The following ARHGAP15 variants were observed in gnomAD, a reference collection of about 807,000 sequenced individuals.
ARHGAP15 encodes the protein rho GTPase-activating protein 15.
ARHGAP15 carries 51 observed loss-of-function variants against 63.7 expected under a neutral mutation model. The ratio of observed to expected loss-of-function variants is 0.80; its 90% CI spans 0.64 to 1.01. ARHGAP15 has a LOEUF of 1.01. ARHGAP15 is among the 50% of genes least tolerant of loss of function. The pLI is 0.00. For synonymous variants in ARHGAP15, 191 were observed against 193.8 expected, an observed-to-expected ratio of 0.99 and a Z score of 0.12; for missense variants, 560 against 564.6, an observed-to-expected ratio of 0.99 and a Z score of 0.08.
intron 8 of ARHGAP15, among the ~76,000 whole-genome samples, chr2:143,454,444 T>C (rs2105141616): frequency 6.6e-6 from 1 of 152,230 alleles, no homozygotes; most frequent in East Asian, 1.9e-4. Flanking sequence ...TGTATATTTA[T>C]CTGTTTGCTT....
chr2:143,301,702 A>G lies in ARHGAP15; in HGVS notation c.474+51102A>G, dbSNP rs946214801. On this transcript the variant is annotated intron_variant, in intron 6 of 13. Transcript: ENST00000295095. Reference sequence around the variant, plus strand: ...GATTAAATATGTATACAAAATTTGTATATAACACATCTTTCCATATGTGTA... The same window carrying G: ...GATTAAATATGTATACAAAATTTGTGTATAACACATCTTTCCATATGTGTA... 4.6e-5 allele frequency among the ~76,000 whole-genome samples: 7 copies of G among 152,064 alleles called. 1 individual carries two copies. The South Asian group carries it at 1.4e-3, about 31-fold the overall frequency.
rs972977751 is a variant in ARHGAP15, at chr2:143,750,036, C to T, written c.1245-17953C>T. Among the ~76,000 whole-genome samples, 4 of 152,196 alleles carry T rather than the reference C, an allele frequency of 2.6e-5. No homozygotes were observed. The East Asian group carries it at 5.8e-4, about 22-fold the overall frequency. ...CCAAATCAGAATCTCTGTGCAATTCCTTTCCTTTATTAAAAGCCTGAGCCA... is the reference window on the plus strand; with the variant it reads ...CCAAATCAGAATCTCTGTGCAATTCTTTTCCTTTATTAAAAGCCTGAGCCA... On this transcript the variant is annotated intron_variant, in intron 13 of 13. Coordinates refer to ENST00000295095, the MANE Select transcript of ARHGAP15 (RefSeq NM_018460.4).
chr2:143,137,642 T>C (rs1689202224), intron 1 of ARHGAP15, among the ~76,000 whole-genome samples: 1 of 152,026 alleles, frequency 6.6e-6, no homozygotes, highest in Non-Finnish European at 1.5e-5. Flanking sequence ...CTCTAAGTAT[T>C]TAAATTTTAA....
intron 12 of ARHGAP15, among the ~76,000 whole-genome samples, chr2:143,682,297 AG>A (rs1279315034): frequency 1.7e-5 from 1 of 59,138 alleles, no homozygotes; most frequent in African/African-American, 3.4e-5. Flanking sequence ...TTAGCAAATA[AG>A]GAGATTTTTT....
At chr2:143,260,327 G>A (rs748846470) in intron 6 of ARHGAP15, among the ~76,000 whole-genome samples, 10 of 152,052 alleles carry the variant, frequency 6.6e-5, no homozygotes, top group Non-Finnish European at 1.0e-4. Context: ...TTTTAGTACG[G>A]TTTTAAGTTT....
chr2:143,551,538 G>A (rs150455974), intron 10 of ARHGAP15, among the ~76,000 whole-genome samples: 4 of 152,164 alleles, frequency 2.6e-5, no homozygotes, highest in African/African-American at 9.6e-5. Flanking sequence ...ATATTGTTCT[G>A]TATGGTTCAA....
At chr2:143,680,021 T>TAAAAAAAAAAA (rs55927433) in intron 12 of ARHGAP15, among the ~76,000 whole-genome samples, 26 of 101,592 alleles carry the variant, frequency 2.6e-4, no homozygotes, top group African/African-American at 1.1e-3. Context: ...AGTAAATGAT[T>TAAAAAAAAAAA]AAAAAAAAAA....
intron 13 of ARHGAP15, among the ~76,000 whole-genome samples, chr2:143,736,521 A>G (rs1685752113): frequency 6.6e-6 from 1 of 152,188 alleles, no homozygotes; most frequent in South Asian, 2.1e-4. Context: ...TTACTTACAC[A>G]AAGTGTAGAG....
intron 6 of ARHGAP15, among the ~76,000 whole-genome samples, chr2:143,357,323 C>A (rs1685852185): frequency 6.6e-6 from 1 of 151,768 alleles, no homozygotes; most frequent in Admixed American, 6.6e-5. Flanking sequence ...AAGCTACTTT[C>A]AACTACATGT....
rs553146660 is a variant in ARHGAP15 at position 143,357,246 on chromosome 2, G to A, written c.475-78355G>A. On this transcript the variant is annotated intron_variant, in intron 6 of 13. Transcript: ENST00000295095. ...ACAGTTTAAGTAAAAAGGGTGAGAT[G>A]TTTGTTCAGCTTATTTTCATGTTCA... Among the ~76,000 whole-genome samples the A allele has an allele frequency of 3.9e-5, 6 of 152,220 alleles. No individual in the cohort carries two copies. In the South Asian group the frequency reaches 1.0e-3, roughly 26 times the overall value.
chr2:143,449,978 G>A (rs1193781539), intron 8 of ARHGAP15, among the ~76,000 whole-genome samples: 1 of 151,646 alleles, frequency 6.6e-6, no homozygotes, highest in Admixed American at 6.6e-5. Flanking sequence ...TAAAATTTTA[G>A]TAGTGCCTAG....
At chr2:143,297,011 G>A (rs1246897713) in intron 6 of ARHGAP15, among the ~76,000 whole-genome samples, 1 of 151,806 alleles carries the variant, frequency 6.6e-6, no homozygotes, top group South Asian at 2.1e-4. Context: ...TTCTACCTGA[G>A]AAATCATATT....
Position 143,766,691 on chromosome 2 carries a change from C to T in ARHGAP15, c.1245-1298C>T, listed in dbSNP as rs150456759. 5 of 152,168 alleles carry T rather than the reference C, an allele frequency of 3.3e-5. No individual in the cohort carries two copies. In the East Asian group the frequency reaches 7.7e-4, roughly 23 times the overall value. The allele number at this position is 152,168 out of a possible 1,614,324, so 9.4% of individuals were successfully genotyped here. A position where few individuals can be genotyped will look rare whatever the true frequency, so the allele number is the denominator to read the frequency against. On this transcript the variant is annotated intron_variant, in intron 13 of 13. Coordinates refer to ENST00000295095, the MANE Select transcript of ARHGAP15 (RefSeq NM_018460.4). ...TGCCTCAGACTGCAAAAGTTATGGC[C>T]GCAGTGCATGATGAGTGCTGAGTTA...
At chr2:143,146,265 A>C (rs574329318) in intron 1 of ARHGAP15, among the ~76,000 whole-genome samples, 1 of 152,234 alleles carries the variant, frequency 6.6e-6, no homozygotes, top group Admixed American at 6.6e-5. Flanking sequence ...ATCAGTAAGA[A>C]AAAGACAAAC....
chr2:143,363,910 G>A (rs1478071767), intron 6 of ARHGAP15, among the ~76,000 whole-genome samples: 1 of 152,160 alleles, frequency 6.6e-6, no homozygotes, highest in African/African-American at 2.4e-5. Context: ...AATTGCATGG[G>A]AAATCAAGTT....
chr2:143,565,483 A>G (rs1696184765), intron 11 of ARHGAP15, among the ~76,000 whole-genome samples: 1 of 152,226 alleles, frequency 6.6e-6, no homozygotes, highest in South Asian at 2.1e-4. Flanking sequence ...AATGATGAAC[A>G]TCTTATACAA....
At chr2:143,348,766 T>A (rs192509330) in intron 6 of ARHGAP15, among the ~76,000 whole-genome samples, 1 of 152,318 alleles carries the variant, frequency 6.6e-6, no homozygotes, top group East Asian at 1.9e-4. Flanking sequence ...AAAATTTCAA[T>A]GGTGATAGTT....
chr2:143,623,178 G>A (rs185300279), intron 11 of ARHGAP15, among the ~76,000 whole-genome samples: 275 of 152,262 alleles, frequency 1.8e-3, no homozygotes, highest in African/African-American at 5.7e-3. Flanking sequence ...TTTGTACCTC[G>A]CTTCCTTTTA....
At chr2:143,665,719 G>A (rs1446622896) in intron 12 of ARHGAP15, among the ~76,000 whole-genome samples, 1 of 149,766 alleles carries the variant, frequency 6.7e-6, no homozygotes, top group Admixed American at 6.6e-5. Context: ...CTTCAGCAAA[G>A]TCTCAGGATA....
Sources: allele counts gnomAD v4.1 joint callset (sites outside exome capture counted in the v4.1 genomes callset), GRCh38; gene constraint gnomAD v4.1.1; transcripts MANE v1.5; gene names NCBI Gene and HGNC (gene_info 2026-07-23, HGNC 2026-07-21).